Variants in COL6A2 observed in about 807,000 individuals in gnomAD.
The protein encoded by COL6A2 is collagen alpha-2(VI) chain.
COL6A2 carries 90 observed loss-of-function variants against 124.9 expected under a neutral mutation model. The observed-to-expected ratio is 0.72, with a 90% CI of 0.61 to 0.86. COL6A2 has a LOEUF of 0.86. COL6A2 is among the 40% of genes least tolerant of loss of function. The pLI is 0.00. For synonymous variants in COL6A2, 793 were observed against 618.2 expected (o/e 1.28, Z -4.19); for missense variants, 1,607 against 1,502.5 (o/e 1.07, Z -1.15).
intron 10 of COL6A2, 76 bp from the exon 11 acceptor site, chr21:46,117,324 G>A: frequency 2.8e-6 from 4 of 1,441,230 alleles, no homozygotes; most frequent in Non-Finnish European, 9.6e-7. Flanking sequence ...GAACCGGGTG[G>A]GCTGTGTCTT....
chr21:46,117,352 G>A, intron 10 of COL6A2, 48 bp from the exon 11 acceptor site: 2 of 1,584,286 alleles, frequency 1.3e-6, no homozygotes, highest in Non-Finnish European at 1.7e-6. Context: ...GGCACACATG[G>A]ACCCCAGAAC....
At position 46,124,662 on chromosome 21, in the gene COL6A2, TC is replaced by T; in HGVS notation, c.1688del (p.Pro563LeufsTer33). 6.2e-7 allele frequency: 1 copy of T among 1,612,744 alleles called. No individual in the cohort carries two copies. Reference sequence around the variant, plus strand: ...TTGTTCCTTCTCAGGCGGATCCTGGTCCCCCTGGTGAGCCAGGCCCTCGGGG... The same window carrying T: ...TTGTTCCTTCTCAGGCGGATCCTGGTCCCCTGGTGAGCCAGGCCCTCGGGG... The part of the protein sequence containing the change: ...GEKGEPADPG[P>X]PGEPGPRGPR... On this transcript the variant is annotated frameshift_variant, in exon 22 of 28. Coordinates refer to ENST00000300527, the MANE Select transcript of COL6A2 (RefSeq NM_001849.4). LOFTEE classifies it high-confidence loss of function.
At chr21:46,127,797 A>G (rs1016276968) in intron 27 of COL6A2, among the ~76,000 whole-genome samples, 3 of 152,012 alleles carry the variant, frequency 2.0e-5, no homozygotes, top group African/African-American at 7.3e-5. Context: ...TCCAGGTTCT[A>G]TCGTGAGTGG....
intron 27 of COL6A2, among the ~76,000 whole-genome samples, chr21:46,127,966 TA>T (rs2078699141): frequency 6.6e-6 from 1 of 152,234 alleles, no homozygotes. Flanking sequence ...TGGCCCTGTT[TA>T]TGCACGTGGG....
chr21:46,124,562 C>T lies in COL6A2; in HGVS notation c.1672-89C>T, dbSNP rs116856833. 2.4e-3 allele frequency: 3,039 copies of T among 1,245,004 alleles called. 51 individuals carry two copies. The Admixed American group carries it at 0.031, about 13-fold the overall frequency. The allele number at this position is 1,245,004 out of a possible 1,614,324, so 77.1% of individuals were successfully genotyped here. A position where few individuals can be genotyped will look rare whatever the true frequency, so the allele number is the denominator to read the frequency against. ...GCCCCCCCCCCCGCCAAGGGAGGAC[C>T]CGTGGTTGGGGACAGCACAGGGGGC... On this transcript the variant is annotated intron_variant, in intron 21 of 27. Coordinates refer to ENST00000300527, the MANE Select transcript of COL6A2 (RefSeq NM_001849.4).
chr21:46,126,607 G>C (rs1282177964), intron 27 of COL6A2, 66 bp downstream of exon 27: 5 of 1,597,138 alleles, frequency 3.1e-6, no homozygotes, highest in African/African-American at 2.7e-5. Flanking sequence ...CTTCCTCCTC[G>C]AGGGCCGGGC....
rs757818559 is a variant in COL6A2 at position 46,132,336 on chromosome 21, G to A, written c.2844G>A (p.Thr948=). 70 of 1,607,752 alleles carry A rather than the reference G, an allele frequency of 4.4e-5. No individual in the cohort carries two copies. Among genetic ancestry groups the A allele is most frequent in the Admixed American group, 2.2e-4 (13 of 59,976 alleles). ...CAGAGCTGTCCTTCGTGTTCCTCAC[G>A]GACGGCGTCACGGGCAACGACAGTC... ...RHAELSFVFL[T]DGVTGNDSLH... The change falls in exon 28 of 28, where the codon ACG becomes ACA. Residue 948 remains threonine (T), a synonymous_variant. Transcript: ENST00000300527.
Position 46,132,015 on chromosome 21 carries a change from C to T in COL6A2, c.2523C>T (p.Ser841=), listed in dbSNP as rs149697707. ...PVDIVFLLDG[S]ERLGEQNFHK... Reference sequence around the variant, plus strand: ...ACATCGTCTTCCTGCTGGACGGCTCCGAGCGGCTGGGTGAGCAGAACTTCC... The same window carrying T: ...ACATCGTCTTCCTGCTGGACGGCTCTGAGCGGCTGGGTGAGCAGAACTTCC... The change falls in exon 28 of 28, where the codon TCC becomes TCT. Residue 841 remains serine, a synonymous_variant. Transcript: ENST00000300527. 5.4e-5 allele frequency: 87 copies of T among 1,609,902 alleles called. No individual in the cohort carries two copies. The highest frequency in any genetic ancestry group is 3.3e-4 in the East Asian group (15 of 44,840).
chr21:46,132,131 T>A lies in COL6A2; in HGVS notation c.2639T>A (p.Leu880Gln). ...CCTCTCAACGCACGCGTGGCGCTGC[T>A]GCAGTTTGGTGGCCCCGGCGAGCAG... is the stretch of plus-strand genomic sequence containing the variant. ...DDPLNARVALLQFGGPGEQQV... is the reference protein window; with the variant it reads ...DDPLNARVALQQFGGPGEQQV... Residue 880 changes from leucine (L) to glutamine (Q), a missense_variant, in exon 28 of 28, where the codon CTG becomes CAG. Physicochemically the swap from Leu to Gln is moderately radical, Grantham distance 113. Coordinates refer to ENST00000300527, the MANE Select transcript of COL6A2 (RefSeq NM_001849.4). 2 of 1,577,478 alleles carry A rather than the reference T, an allele frequency of 1.3e-6. No homozygotes were observed. Among genetic ancestry groups the A allele is most frequent in the Non-Finnish European group, 1.7e-6 (2 of 1,164,098 alleles).
intron 27 of COL6A2, among the ~76,000 whole-genome samples, chr21:46,127,894 T>C (rs2078697994): frequency 1.3e-5 from 2 of 152,196 alleles, no homozygotes; most frequent in Admixed American, 6.5e-5. Flanking sequence ...TTGAGCGTCA[T>C]TGAATTTCCA....
chr21:46,126,605 T>G, intron 27 of COL6A2, 64 bp downstream of exon 27: 2 of 1,556,434 alleles, frequency 1.3e-6, no homozygotes, highest in Non-Finnish European at 1.8e-6. Context: ...TCCTTCCTCC[T>G]CGAGGGCCGG....
In COL6A2 at chr21:46,118,075, T is replaced by C. The variant is rs1013675709; in HGVS notation, c.1116+139T>C. On this transcript the variant is annotated intron_variant, in intron 12 of 27. Coordinates refer to ENST00000300527, the MANE Select transcript of COL6A2 (RefSeq NM_001849.4). ...CAGTGAGGAGCCAATGGCCGTGGGA[T>C]GTGGTGGAGGGTGCCCTGCCCGTTG... The C allele has an allele frequency of 2.2e-5, 18 of 821,548 alleles. No individual in the cohort carries two copies. The African/African-American group carries it at 2.7e-4, about 13-fold the overall frequency. The allele number at this position is 821,548 out of a possible 1,614,324, so 50.9% of individuals were successfully genotyped here. A position where few individuals can be genotyped will look rare whatever the true frequency, so the allele number is the denominator to read the frequency against.
At chr21:46,123,997 G>C (rs1021601610) in intron 21 of COL6A2, among the ~76,000 whole-genome samples, 7 of 150,464 alleles carry the variant, frequency 4.7e-5, no homozygotes, top group Non-Finnish European at 7.4e-5. Context: ...GGGTAGGTGG[G>C]TGGATGGATG....
chr21:46,131,408 C>G (rs1568946626), intron 27 of COL6A2, among the ~76,000 whole-genome samples: 1 of 152,168 alleles, frequency 6.6e-6, no homozygotes, highest in Non-Finnish European at 1.5e-5. Context: ...TCTGGCTGCC[C>G]CTGTGCCCAC....
rs9976171 is a variant in COL6A2 at position 46,130,706 on chromosome 21, T to G, written c.2462-1248T>G. On this transcript the variant is annotated intron_variant, in intron 27 of 27. Transcript: ENST00000300527. ...CCTTGCATGTCTGTCTCCATATGTT[T>G]GGTGACAGCAGTGAAAATGTTATTA... is the stretch of plus-strand genomic sequence containing the variant. 2.5e-3 allele frequency among the ~76,000 whole-genome samples: 378 copies of G among 152,304 alleles called. 1 individual carries two copies. Among genetic ancestry groups the G allele is most frequent in the African/African-American group, 8.7e-3 (361 of 41,568 alleles).
rs1230708321 is a variant in COL6A2 at position 46,119,820 on chromosome 21, C to A, written c.1302C>A (p.Ser434Arg). 3 of 1,564,218 alleles carry A rather than the reference C, an allele frequency of 1.9e-6. No homozygotes were observed. The highest frequency in any genetic ancestry group is 1.9e-5 in the Admixed American group (1 of 52,062). Reference protein sequence around the residue: ...GRRGDPGTKGSPGSDGPKGEK... With the variant: ...GRRGDPGTKGRPGSDGPKGEK... ...GGGGAGACCCCGGCACCAAGGGCAG[C>A]CCAGGCAGCGATGGCCCCAAGGGGG... The change falls in exon 15 of 28, where the codon AGC becomes AGA. Residue 434 changes from serine to arginine, a missense_variant. Coordinates refer to ENST00000300527, the MANE Select transcript of COL6A2 (RefSeq NM_001849.4).
Position 46,126,500 on chromosome 21 carries a change from CA to C in COL6A2, c.2423-2del. ...CTGGCCCGGCCTCTCTCCTCTCTTC[CA>C]GACCCTCAGATCGTGTGCCCAGACC... is the stretch of plus-strand genomic sequence containing the variant. On this transcript the variant is annotated splice_acceptor_variant, in intron 26 of 27. Coordinates refer to ENST00000300527, the MANE Select transcript of COL6A2 (RefSeq NM_001849.4). LOFTEE classifies it high-confidence loss of function. 1 of 1,613,342 alleles carries C rather than the reference CA, an allele frequency of 6.2e-7. No individual in the cohort carries two copies. Among genetic ancestry groups the C allele is most frequent in the South Asian group, 1.1e-5 (1 of 91,078 alleles).
chr21:46,121,751 A>C lies in COL6A2; in HGVS notation c.1521+133A>C, dbSNP rs543765079. On this transcript the variant is annotated intron_variant, in intron 18 of 27. Coordinates refer to ENST00000300527, the MANE Select transcript of COL6A2 (RefSeq NM_001849.4). ...GGACGGGCCTGTGCCTCCTGTTCTC[A>C]GCTCTGGAGTGAGGGGATGCCTCCG... 114 of 873,422 alleles carry C rather than the reference A, an allele frequency of 1.3e-4. 1 individual carries two copies. Among genetic ancestry groups the C allele is most frequent in the South Asian group, 1.2e-3 (78 of 66,518 alleles). The allele number at this position is 873,422 out of a possible 1,614,324, so 54.1% of individuals were successfully genotyped here. A position where few individuals can be genotyped will look rare whatever the true frequency, so the allele number is the denominator to read the frequency against.
Position 46,125,566 on chromosome 21 carries a change from A to G in COL6A2, c.1918A>G (p.Asn640Asp). 1.2e-6 allele frequency: 2 copies of G among 1,612,898 alleles called. No individual in the cohort carries two copies. The highest frequency in any genetic ancestry group is 1.7e-6 in the Non-Finnish European group (2 of 1,179,952). The change falls in exon 25 of 28, where the codon AAC becomes GAC. Residue 640 changes from asparagine (N) to aspartate (D), a missense_variant. This residue lies in a region of COL6A2 where 1,223 missense variants were observed against 1,052.2 expected (regional missense o/e 1.16). Transcript: ENST00000300527. ...CACACTGGAGAAGAACTTCGTCATC[A>G]ACGTGGTCAACAGGCTGGGTGCCAT... is the stretch of plus-strand genomic sequence containing the variant. ...NFTLEKNFVINVVNRLGAIAK... is the reference protein window; with the variant it reads ...NFTLEKNFVIDVVNRLGAIAK...
Sources: gnomAD v4.1 joint callset for allele counts (sites outside exome capture counted in the v4.1 genomes callset) on GRCh38, gnomAD v4.1.1 for gene constraint, gnomAD v4.1.1 regional missense constraint, MANE v1.5 for transcripts, NCBI Gene and HGNC (gene_info 2026-07-23, HGNC 2026-07-21) for gene names.